RHOT1: variants seen among roughly 807,000 people sequenced by gnomAD.
The protein encoded by RHOT1 is ras homolog family member T1, also known as mitochondrial Rho GTPase 1.
In RHOT1, 27 loss-of-function variants were observed where a neutral mutation model predicts 95.3. That is an observed-to-expected ratio of 0.28 (90% confidence interval 0.21 to 0.39). RHOT1 has a LOEUF of 0.39. Among genes scored for constraint, RHOT1 ranks in the 10% least tolerant of loss-of-function variants. The pLI, the probability that RHOT1 is intolerant of heterozygous loss-of-function variation, is 1.00. For missense variants in RHOT1, 578 were observed against 786.7 expected (o/e 0.73, Z 3.17); for synonymous variants, 227 against 263.5 (o/e 0.86, Z 1.34).
chr17:32,189,426 A>C (rs2036299639), intron 8 of RHOT1, among the ~76,000 whole-genome samples: 1 of 152,200 alleles, frequency 6.6e-6, no homozygotes, highest in Admixed American at 6.5e-5. Context: ...CTCTTACAAG[A>C]ATTTACCTCT....
chr17:32,191,226 CTG>C (rs1244369705), intron 8 of RHOT1, among the ~76,000 whole-genome samples: 6 of 152,138 alleles, frequency 3.9e-5, no homozygotes, highest in African/African-American at 1.4e-4. Context: ...AAGGGGTTAA[CTG>C]TGTATGTTTG....
At chr17:32,204,049 C>A in intron 16 of RHOT1, 76 bp downstream of exon 16, 2 of 997,460 alleles carry the variant, frequency 2.0e-6, no homozygotes, top group African/African-American at 1.6e-5. Flanking sequence ...AACAAATTGG[C>A]TTCAATTGAA....
chr17:32,207,993 C>T (rs1355202119), intron 17 of RHOT1, 114 bp from the exon 18 acceptor site: 2 of 855,410 alleles, frequency 2.3e-6, no homozygotes, highest in Admixed American at 2.4e-5. Context: ...TTCACTTTTT[C>T]GCTTTGAAAC....
chr17:32,150,626 A>G (rs1349645329), intron 1 of RHOT1: 5 of 1,590,334 alleles, frequency 3.1e-6, no homozygotes, highest in Non-Finnish European at 4.3e-6. Flanking sequence ...AGATACTGAT[A>G]CAGACAGTGG....
At chr17:32,166,051 G>A (rs868635109) in intron 1 of RHOT1, among the ~76,000 whole-genome samples, 15 of 151,928 alleles carry the variant, frequency 9.9e-5, no homozygotes, top group African/African-American at 3.1e-4. Context: ...AGCCAGGCAT[G>A]GTGGCACATG....
chr17:32,159,491 CCG>C (rs2033326876), intron 1 of RHOT1: 1 of 152,516 alleles, frequency 6.6e-6, no homozygotes, highest in African/African-American at 2.4e-5. Flanking sequence ...AGCTGCCCAG[CCG>C]TGGCTGTGGA....
Position 32,173,810 on chromosome 17 carries a change from TA to T in RHOT1, c.97-20del. 1 of 1,523,372 alleles carries T rather than the reference TA, an allele frequency of 6.6e-7. No homozygotes were observed. Among genetic ancestry groups the T allele is most frequent in the Admixed American group, 1.9e-5 (1 of 53,434 alleles). 94.4% of individuals were successfully genotyped at this position (1,523,372 alleles called of 1,614,324 possible). A position where few individuals can be genotyped will look rare whatever the true frequency, so the allele number is the denominator to read the frequency against. On this transcript the variant is annotated intron_variant, in intron 2 of 19. Coordinates refer to ENST00000545287, the MANE Select transcript of RHOT1 (RefSeq NM_001033566.3). ...ATATTCAAAGGTGTTTTTTTTTTTC[TA>T]TATTTGTTTGTAAATGAAGGTTCCT...
At chr17:32,152,952 T>C (rs2032504503) in intron 1 of RHOT1, among the ~76,000 whole-genome samples, 1 of 152,122 alleles carries the variant, frequency 6.6e-6, no homozygotes, top group Admixed American at 6.6e-5. Flanking sequence ...TAGGCATGCA[T>C]CGCCATGCCT....
At chr17:32,183,981 C>T (rs2035840380) in intron 8 of RHOT1, among the ~76,000 whole-genome samples, 1 of 152,236 alleles carries the variant, frequency 6.6e-6, no homozygotes, top group Non-Finnish European at 1.5e-5. Context: ...CCACTGCGCC[C>T]AGCCCCTTTT....
intron 8 of RHOT1, among the ~76,000 whole-genome samples, chr17:32,187,587 A>T (rs2036155494): frequency 6.6e-6 from 1 of 152,018 alleles, no homozygotes; most frequent in Non-Finnish European, 1.5e-5. Context: ...TTATATTTTT[A>T]TTTATTTATT....
At chr17:32,149,635 A>ATATATATGTGTGTGTGTGTG in intron 1 of RHOT1, among the ~76,000 whole-genome samples, 2 of 59,096 alleles carry the variant, frequency 3.4e-5, no homozygotes, top group South Asian at 1.7e-3. Flanking sequence ...ATATATATAT[A>ATATATATGTGTGTGTGTGTG]TGTGTGTGTG....
At chr17:32,208,532 C>T in intron 18 of RHOT1, 2 of 526,978 alleles carry the variant, frequency 3.8e-6, no homozygotes, top group South Asian at 2.2e-5. Flanking sequence ...TTTGAGCAGG[C>T]TGTAACTATC....
At chr17:32,217,782 C>T (rs2038571815) in intron 19 of RHOT1, among the ~76,000 whole-genome samples, 1 of 151,300 alleles carries the variant, frequency 6.6e-6, no homozygotes, top group Admixed American at 6.6e-5. Context: ...AAAGAAAATA[C>T]TTCACCAGAT....
At chr17:32,213,672 C>T (rs929344821) in intron 19 of RHOT1, among the ~76,000 whole-genome samples, 2 of 152,158 alleles carry the variant, frequency 1.3e-5, no homozygotes, top group African/African-American at 4.8e-5. Flanking sequence ...GGTGAACTCA[C>T]CTTGGCTCCC....
At chr17:32,202,625 C>A in intron 14 of RHOT1, 145 bp from the exon 15 acceptor site, 1 of 605,390 alleles carries the variant, frequency 1.7e-6, no homozygotes, top group Non-Finnish European at 2.8e-6. Flanking sequence ...TACAGCTTGA[C>A]TGTTGTACAA....
intron 1 of RHOT1, chr17:32,150,306 A>G (rs938949744): frequency 5.6e-5 from 15 of 269,186 alleles, no homozygotes; most frequent in Non-Finnish European, 1.0e-4. Context: ...TTTTCCATAA[A>G]TTCACTGTAA....
rs539073195 is a variant in RHOT1, at chr17:32,154,285, T to TAAAAAAAAAAAAAAA, written c.37+11569_37+11570insAAAAAAAAAAAAAAA. 1.1e-3 allele frequency among the ~76,000 whole-genome samples: 136 copies of TAAAAAAAAAAAAAAA among 124,776 alleles called. 3 individuals are homozygous for TAAAAAAAAAAAAAAA. Among genetic ancestry groups the TAAAAAAAAAAAAAAA allele is most frequent in the African/African-American group, 3.9e-3 (126 of 32,168 alleles). 81.9% of individuals were successfully genotyped at this position (124,776 alleles called of 152,430 possible). ...GGGAGACCCCGTCTCTACGAGAAAT[T>TAAAAAAAAAAAAAAA]AAAAAAAAAAAAAGGCCAGGCGCAG... On this transcript the variant is annotated intron_variant, in intron 1 of 19. Coordinates refer to ENST00000545287, the MANE Select transcript of RHOT1 (RefSeq NM_001033566.3).
At chr17:32,212,209 A>G (rs377578859) in intron 19 of RHOT1, among the ~76,000 whole-genome samples, 2 of 152,376 alleles carry the variant, frequency 1.3e-5, no homozygotes, top group African/African-American at 4.8e-5. Context: ...ACTGTATCAA[A>G]TGACCATAGT....
At chr17:32,168,359 T>G (rs1369259904) in intron 1 of RHOT1, among the ~76,000 whole-genome samples, 2 of 151,996 alleles carry the variant, frequency 1.3e-5, no homozygotes, top group Admixed American at 6.6e-5. Flanking sequence ...GGCCTCCAAC[T>G]CCTGGGCTCA....
Sources: allele counts gnomAD v4.1 joint callset (sites outside exome capture counted in the v4.1 genomes callset), GRCh38; gene constraint gnomAD v4.1.1; transcripts MANE v1.5; gene names NCBI Gene and HGNC (gene_info 2026-07-23, HGNC 2026-07-21).